The following SUMF1 variants were observed in gnomAD, a reference collection of about 807,000 sequenced individuals.
The protein encoded by SUMF1 is formylglycine-generating enzyme.
SUMF1 carries 48 observed loss-of-function variants against 47.6 expected under a neutral mutation model. The ratio of observed to expected loss-of-function variants is 1.01; its 90% CI spans 0.80 to 1.28. SUMF1 has a LOEUF of 1.28. Among genes scored for constraint, SUMF1 ranks in the 50% most tolerant of loss-of-function variants. SUMF1 has a pLI of 0.00. For missense variants in SUMF1, 571 were observed against 485.4 expected, an observed-to-expected ratio of 1.18 and a Z score of -1.66; for synonymous variants, 230 against 192.1, an observed-to-expected ratio of 1.20 and a Z score of -1.63.
At chr3:4,117,473 C>T (rs1489315803) in intron 8 of SUMF1, among the ~76,000 whole-genome samples, 1 of 152,050 alleles carries the variant, frequency 6.6e-6, no homozygotes, top group Non-Finnish European at 1.5e-5. Context: ...TCTTCCTTAT[C>T]TTTTCTGGAA....
intron 8 of SUMF1, among the ~76,000 whole-genome samples, chr3:4,267,531 C>A (rs1453449211): frequency 6.6e-6 from 1 of 152,132 alleles, no homozygotes; most frequent in Non-Finnish European, 1.5e-5. Flanking sequence ...TTGTAGTATT[C>A]TCTGATGGTA....
chr3:4,239,870 C>T (rs1443309712), intron 8 of SUMF1, among the ~76,000 whole-genome samples: 1 of 152,062 alleles, frequency 6.6e-6, no homozygotes, highest in African/African-American at 2.4e-5. Flanking sequence ...GGAATGCTTC[C>T]AGTTTTTGCC....
intron 8 of SUMF1, among the ~76,000 whole-genome samples, chr3:4,243,424 C>T (rs1575012428): frequency 6.6e-6 from 1 of 152,328 alleles, no homozygotes; most frequent in East Asian, 1.9e-4. Flanking sequence ...CCTCTATACA[C>T]TGCTTTAAAT....
At chr3:4,407,376 T>C (rs1375419501) in intron 7 of SUMF1, among the ~76,000 whole-genome samples, 1 of 152,234 alleles carries the variant, frequency 6.6e-6, no homozygotes, top group African/African-American at 2.4e-5. Context: ...TATGAGTTAG[T>C]CACAGAACTA....
chr3:4,203,547 C>A (rs1310564559), intron 8 of SUMF1, among the ~76,000 whole-genome samples: 1 of 151,876 alleles, frequency 6.6e-6, no homozygotes, highest in African/African-American at 2.4e-5. Context: ...TTCAGCCCTG[C>A]AATGTCTTTT....
chr3:4,273,293 T>A (rs1239025108), intron 8 of SUMF1, among the ~76,000 whole-genome samples: 2 of 152,062 alleles, frequency 1.3e-5, no homozygotes, highest in Non-Finnish European at 2.9e-5. Context: ...AATTTGTGAA[T>A]GGACAAACAA....
chr3:4,421,401 C>T (rs1055251808), intron 3 of SUMF1, among the ~76,000 whole-genome samples: 1 of 152,196 alleles, frequency 6.6e-6, no homozygotes, highest in Admixed American at 6.5e-5. Context: ...ACCAGTCTCA[C>T]TATGGCCCCA....
intron 3 of SUMF1, among the ~76,000 whole-genome samples, chr3:4,422,172 C>A (rs567026671): frequency 1.2e-4 from 19 of 152,098 alleles, no homozygotes; most frequent in Non-Finnish European, 2.2e-4. Flanking sequence ...GTAGAAGTTC[C>A]TCTGGGGGCT....
At chr3:4,045,494 C>T (rs1694989007) in intron 9 of SUMF1, among the ~76,000 whole-genome samples, 1 of 151,566 alleles carries the variant, frequency 6.6e-6, no homozygotes, top group Admixed American at 6.6e-5. Flanking sequence ...TGCAGCAGTG[C>T]TATAAGAATA....
At chr3:4,161,861 T>C (rs2125114412) in intron 8 of SUMF1, among the ~76,000 whole-genome samples, 1 of 152,000 alleles carries the variant, frequency 6.6e-6, no homozygotes. Flanking sequence ...ATGCTTTTTC[T>C]CAAGCAGAAT....
intron 8 of SUMF1, among the ~76,000 whole-genome samples, chr3:4,073,549 TAA>T (rs1189896808): frequency 3.3e-5 from 5 of 152,132 alleles, no homozygotes; most frequent in Non-Finnish European, 4.4e-5. Context: ...GCAAATTGGA[TAA>T]AGAGTCAAGA....
Position 4,418,142 on chromosome 3 carries a change from A to C in SUMF1, c.603-10T>G, listed in dbSNP as rs775939660. Reference sequence around the variant, plus strand: ...AACTGGATGATCCGGCCTGGGGAAGAGCAAAAGTAGAATGAAAAGTGACAC... The same window carrying C: ...AACTGGATGATCCGGCCTGGGGAAGCGCAAAAGTAGAATGAAAAGTGACAC... On this transcript the variant is annotated splice_polypyrimidine_tract_variant and intron_variant, in intron 4 of 8. Coordinates refer to ENST00000272902, the MANE Select transcript of SUMF1 (RefSeq NM_182760.4). 1.2e-6 allele frequency: 2 copies of C among 1,613,994 alleles called. No homozygotes were observed. Among genetic ancestry groups the C allele is most frequent in the African/African-American group, 1.3e-5 (1 of 75,054 alleles).
intron 8 of SUMF1, among the ~76,000 whole-genome samples, chr3:4,199,998 T>C (rs935515704): frequency 6.6e-5 from 10 of 152,134 alleles, no homozygotes; most frequent in African/African-American, 2.4e-4. Flanking sequence ...GTTCATGTGT[T>C]TTGCATCCTA....
downstream of SUMF1, among the ~76,000 whole-genome samples, chr3:4,356,529 C>G (rs777314611): frequency 6.6e-6 from 1 of 152,044 alleles, no homozygotes; most frequent in Non-Finnish European, 1.5e-5. Flanking sequence ...ACATTTCTTG[C>G]TAGTACATTA....
intron 8 of SUMF1, among the ~76,000 whole-genome samples, chr3:4,242,156 C>T (rs1287542937): frequency 1.3e-5 from 2 of 152,150 alleles, no homozygotes; most frequent in African/African-American, 4.8e-5. Flanking sequence ...AGTTGCTTAT[C>T]AGCTTAAGGA....
chr3:4,067,422 C>T (rs1695402445), intron 9 of SUMF1, among the ~76,000 whole-genome samples: 1 of 152,162 alleles, frequency 6.6e-6, no homozygotes, highest in Non-Finnish European at 1.5e-5. Flanking sequence ...GCAGGCCATC[C>T]CACTATTCTG....
chr3:4,314,750 C>T (rs1698568780), intron 8 of SUMF1, among the ~76,000 whole-genome samples: 1 of 152,136 alleles, frequency 6.6e-6, no homozygotes, highest in African/African-American at 2.4e-5. Context: ...TAACTACCTT[C>T]CTTAAAGCAG....
At chr3:4,377,984 A>G (rs987245152) in intron 7 of SUMF1, among the ~76,000 whole-genome samples, 4 of 152,262 alleles carry the variant, frequency 2.6e-5, no homozygotes, top group Admixed American at 1.3e-4. Flanking sequence ...AAGCATGGCT[A>G]ATGTACTTTC....
At chr3:4,101,650 C>T (rs1307263963) in intron 8 of SUMF1, among the ~76,000 whole-genome samples, 1 of 152,056 alleles carries the variant, frequency 6.6e-6, no homozygotes, top group East Asian at 1.9e-4. Flanking sequence ...TTTTAATGTT[C>T]TCACTGCAAA....
Sources: allele counts gnomAD v4.1 joint callset (sites outside exome capture counted in the v4.1 genomes callset), GRCh38; gene constraint gnomAD v4.1.1; transcripts MANE v1.5; gene names NCBI Gene and HGNC (gene_info 2026-07-23, HGNC 2026-07-21).